CADM2: variants seen among roughly 807,000 people sequenced by gnomAD.
The protein encoded by CADM2 is immunoglobulin superfamily member 4D.
A neutral mutation model predicts 49.8 loss-of-function variants in CADM2; 12 were observed. The ratio of observed to expected loss-of-function variants is 0.24; its 90% CI spans 0.15 to 0.39. The LOEUF is 0.39. CADM2 is among the 10% of genes least tolerant of loss of function. CADM2 has a pLI of 1.00. For missense variants in CADM2, 378 were observed against 492.3 expected (o/e 0.77, Z 2.20); for synonymous variants, 214 against 175.4 (o/e 1.22, Z -1.74).
intron 1 of CADM2, among the ~76,000 whole-genome samples, chr3:84,996,223 AT>A (rs1326570013): frequency 6.6e-6 from 1 of 152,162 alleles, no homozygotes; most frequent in Non-Finnish European, 1.5e-5. Context: ...CAAAATATAA[AT>A]TGAGTATGGA....
chr3:85,619,033 C>CT (rs2063887851), intron 1 of CADM2, among the ~76,000 whole-genome samples: 1 of 125,696 alleles, frequency 8.0e-6, no homozygotes, highest in Admixed American at 9.0e-5. Flanking sequence ...GAATGAGACT[C>CT]TGTCTCAAAA....
intron 1 of CADM2, among the ~76,000 whole-genome samples, chr3:85,337,044 AAT>A (rs540413952): frequency 4.4e-5 from 6 of 135,480 alleles, no homozygotes; most frequent in African/African-American, 8.1e-5. Flanking sequence ...TATATATATA[AAT>A]ATATATATAT....
At chr3:85,878,212 T>C (rs1317092592) in intron 3 of CADM2, among the ~76,000 whole-genome samples, 1 of 152,144 alleles carries the variant, frequency 6.6e-6, no homozygotes, top group African/African-American at 2.4e-5. Flanking sequence ...TTTTTAAATA[T>C]ATATTCATAT....
At chr3:85,801,972 G>C (rs2072071342) in intron 2 of CADM2, 75 bp from the exon 3 acceptor site, 2 of 1,231,676 alleles carry the variant, frequency 1.6e-6, no homozygotes, top group Non-Finnish European at 2.3e-6. Flanking sequence ...GAGAAGTTAA[G>C]GCCAGTGTAG....
At chr3:85,552,853 T>A (rs1285824886) in intron 1 of CADM2, among the ~76,000 whole-genome samples, 1 of 151,850 alleles carries the variant, frequency 6.6e-6, no homozygotes, top group Non-Finnish European at 1.5e-5. Flanking sequence ...ATTTTTTGTA[T>A]TTTTAGTAGA....
intron 6 of CADM2, among the ~76,000 whole-genome samples, chr3:85,917,016 G>GT (rs922043636): frequency 1.3e-3 from 190 of 150,508 alleles, no homozygotes; most frequent in Middle Eastern, 0.01. Flanking sequence ...TTTTGATGGG[G>GT]TTTTTTTTTA....
intron 1 of CADM2, among the ~76,000 whole-genome samples, chr3:85,389,101 G>C (rs1182154919): frequency 6.6e-6 from 1 of 151,968 alleles, no homozygotes; most frequent in East Asian, 1.9e-4. Flanking sequence ...GTAACGTTTT[G>C]TGATGCCTTC....
intron 7 of CADM2, among the ~76,000 whole-genome samples, chr3:85,948,484 GA>G (rs1723010314): frequency 6.6e-6 from 1 of 151,180 alleles, no homozygotes; most frequent in Admixed American, 6.6e-5. Context: ...AATAAAATGT[GA>G]AAAATAGATT....
At position 85,423,331 on chromosome 3, in the gene CADM2, G is replaced by A. The variant is rs187618499; in HGVS notation, c.62-303191G>A. ...CGTGGTGAGCCAGAAGACAGTATTT[G>A]GGCATGAAAGCAGGAATGCCTGTTC... On this transcript the variant is annotated intron_variant, in intron 1 of 9. Coordinates refer to ENST00000383699, the MANE Select transcript of CADM2 (RefSeq NM_001167675.2). Among the ~76,000 whole-genome samples the A allele has an allele frequency of 5.3e-5, 8 of 152,192 alleles. No individual in the cohort carries two copies. In the East Asian group the frequency reaches 1.6e-3, roughly 30 times the overall value.
rs1269146267 is a variant in CADM2 at position 85,770,933 on chromosome 3, A to G, written c.89-31114A>G. Among the ~76,000 whole-genome samples the G allele has an allele frequency of 5.3e-5, 8 of 152,288 alleles. No homozygotes were observed. In the East Asian group the frequency reaches 1.5e-3, roughly 29 times the overall value. ...CTTAACTTTTTAAGTTAGCAATGTAATAAATTAGTGTCTGGACTTCGTCGT... is the reference window on the plus strand; with the variant it reads ...CTTAACTTTTTAAGTTAGCAATGTAGTAAATTAGTGTCTGGACTTCGTCGT... On this transcript the variant is annotated intron_variant, in intron 2 of 9. Coordinates refer to ENST00000383699, the MANE Select transcript of CADM2 (RefSeq NM_001167675.2).
rs551766451 is a variant in CADM2 at position 85,483,350 on chromosome 3, A to G, written c.62-243172A>G. ...TGATGATTTATAAATTAGTGTAAAT[A>G]TAAGTATCATTTCTTATGAAATTTT... On this transcript the variant is annotated intron_variant, in intron 1 of 9. Coordinates refer to ENST00000383699, the MANE Select transcript of CADM2 (RefSeq NM_001167675.2). Among the ~76,000 whole-genome samples, 17 of 151,576 alleles carry G rather than the reference A, an allele frequency of 1.1e-4. No individual in the cohort carries two copies. The South Asian group carries it at 3.3e-3, about 30-fold the overall frequency.
intron 1 of CADM2, among the ~76,000 whole-genome samples, chr3:85,325,138 A>G (rs902521248): frequency 6.6e-6 from 1 of 152,226 alleles, no homozygotes; most frequent in Non-Finnish European, 1.5e-5. Context: ...TGAAGTTTTG[A>G]ATCATGGTTA....
chr3:85,626,538 T>G (rs1029523914), intron 1 of CADM2, among the ~76,000 whole-genome samples: 1 of 151,966 alleles, frequency 6.6e-6, no homozygotes, highest in Non-Finnish European at 1.5e-5. Context: ...ATGCCATTAT[T>G]TAATTTTAAT....
chr3:86,032,316 T>G (rs2324937), intron 8 of CADM2, among the ~76,000 whole-genome samples: 105,824 of 151,562 alleles, frequency 0.7, 38,596 homozygotes, highest in African/African-American at 0.92. Flanking sequence ...AAAAACAGCT[T>G]TTGTTTCAAA....
At chr3:85,898,240 CATT>C (rs1435572144) in intron 5 of CADM2, among the ~76,000 whole-genome samples, 1 of 151,948 alleles carries the variant, frequency 6.6e-6, no homozygotes, top group Non-Finnish European at 1.5e-5. Context: ...CACCAGAAAT[CATT>C]GAGAGTCTTT....
intron 1 of CADM2, among the ~76,000 whole-genome samples, chr3:85,326,674 AG>A: frequency 6.6e-6 from 1 of 152,292 alleles, no homozygotes; most frequent in South Asian, 2.1e-4. Context: ...CAATTGTAAA[AG>A]TCTAATGGAA....
chr3:85,636,820 T>C (rs2064502595), intron 1 of CADM2, among the ~76,000 whole-genome samples: 1 of 152,224 alleles, frequency 6.6e-6, no homozygotes, highest in African/African-American at 2.4e-5. Flanking sequence ...ACATGCTGTA[T>C]AAGTTTGTAG....
intron 1 of CADM2, among the ~76,000 whole-genome samples, chr3:85,622,481 A>T (rs2064004272): frequency 6.6e-6 from 1 of 152,162 alleles, no homozygotes; most frequent in South Asian, 2.1e-4. Context: ...TAGTTCATTT[A>T]GATTTGCTTG....
chr3:86,005,906 C>T (rs1347360334), intron 8 of CADM2, among the ~76,000 whole-genome samples: 2 of 152,104 alleles, frequency 1.3e-5, no homozygotes, highest in Non-Finnish European at 2.9e-5. Flanking sequence ...TCCTTCTACT[C>T]TCTATCTCCA....
Sources: allele counts gnomAD v4.1 joint callset (sites outside exome capture counted in the v4.1 genomes callset), GRCh38; gene constraint gnomAD v4.1.1; transcripts MANE v1.5; gene names NCBI Gene and HGNC (gene_info 2026-07-23, HGNC 2026-07-21).